TCP11L1: variants seen among roughly 807,000 people sequenced by gnomAD.
TCP11L1 encodes T-complex protein 11-like protein 1.
TCP11L1 carries 28 observed loss-of-function variants against 48.9 expected under a neutral mutation model. The observed-to-expected ratio is 0.57, with a 90% confidence interval of 0.42 to 0.78. TCP11L1 has a LOEUF of 0.78. Among genes scored for constraint, TCP11L1 ranks in the 30% least tolerant of loss-of-function variants. The probability of loss-of-function intolerance (pLI) is 0.00; values close to 1 mark genes in which losing one functional copy is unlikely to be tolerated. For synonymous variants in TCP11L1, 204 were observed against 231.9 expected, an observed-to-expected ratio of 0.88 and a Z score of 1.09; for missense variants, 505 against 613.4, an observed-to-expected ratio of 0.82 and a Z score of 1.87.
chr11:33,046,949 G>A (rs1054491128), intron 2 of TCP11L1, among the ~76,000 whole-genome samples: 2 of 137,694 alleles, frequency 1.5e-5, no homozygotes, highest in Admixed American at 7.1e-5. Flanking sequence ...TAGGCCAGGC[G>A]CATTGGCTCA....
Position 33,068,798 on chromosome 11 carries a change from C to T in TCP11L1, c.1266C>T (p.Thr422=), listed in dbSNP as rs756467493. ...GSSPFTTDKE[T]VLKGQIQAVA... ...CTCCCTTCACCACGGACAAGGAGAC[C>T]GTGCTCAAGGGCCAGATCCAGGCCG... The change falls in exon 9 of 10, where the codon ACC becomes ACT. Residue 422 remains threonine (T), a synonymous_variant. Coordinates refer to ENST00000334274, the MANE Select transcript of TCP11L1 (RefSeq NM_018393.4). 42 of 1,613,990 alleles carry T rather than the reference C, an allele frequency of 2.6e-5. No homozygotes were observed. The highest frequency in any genetic ancestry group is 4.0e-5 in the African/African-American group (3 of 74,900).
intron 3 of TCP11L1, among the ~76,000 whole-genome samples, chr11:33,056,233 C>T (rs1455591155): frequency 6.6e-6 from 1 of 152,174 alleles, no homozygotes; most frequent in Non-Finnish European, 1.5e-5. Context: ...CCTCAGCCTC[C>T]TAAGTAGCTG....
chr11:33,055,856 C>T (rs1367590573), intron 3 of TCP11L1, among the ~76,000 whole-genome samples: 4 of 152,268 alleles, frequency 2.6e-5, no homozygotes, highest in African/African-American at 9.6e-5. Flanking sequence ...GTCGCTCTGT[C>T]GCCCAAGCTG....
At chr11:33,044,905 A>T (rs889475803) in intron 2 of TCP11L1, among the ~76,000 whole-genome samples, 1 of 152,156 alleles carries the variant, frequency 6.6e-6, no homozygotes, top group Non-Finnish European at 1.5e-5. Flanking sequence ...TGTCTTTAAA[A>T]TGAGGAAAAT....
At chr11:33,062,452 G>A (rs1854495376) in intron 7 of TCP11L1, among the ~76,000 whole-genome samples, 2 of 152,258 alleles carry the variant, frequency 1.3e-5, no homozygotes, top group African/African-American at 4.8e-5. Flanking sequence ...AGCACATATA[G>A]CAGTAGTTTA....
intron 3 of TCP11L1, among the ~76,000 whole-genome samples, 199 bp from the exon 4 acceptor site, chr11:33,056,916 T>A (rs569852801): frequency 1.4e-3 from 219 of 152,350 alleles, no homozygotes; most frequent in African/African-American, 5.1e-3. Flanking sequence ...TTCTTTCCAA[T>A]GAGATGCTTA....
At chr11:33,042,066 C>G (rs7124894) in intron 1 of TCP11L1, among the ~76,000 whole-genome samples, 61,996 of 152,078 alleles carry the variant, frequency 0.41, 12,819 homozygotes, top group African/African-American at 0.46. Flanking sequence ...CAGAAACACC[C>G]TAGGAAAAGG....
At chr11:33,053,144 CTTTTTT>C (rs10715921) in intron 2 of TCP11L1, among the ~76,000 whole-genome samples, 2 of 116,214 alleles carry the variant, frequency 1.7e-5, no homozygotes, top group Middle Eastern at 4.2e-3. Context: ...CTATCAGAGA[CTTTTTT>C]TTTTTTTTTT....
chr11:33,071,007 GA>G (rs1158057888), intron 9 of TCP11L1, among the ~76,000 whole-genome samples: 5 of 136,442 alleles, frequency 3.7e-5, no homozygotes, highest in Non-Finnish European at 6.4e-5. Flanking sequence ...TCTCAAAAAA[GA>G]AAAAAAAAAG....
chr11:33,069,783 A>G (rs1176002729), intron 9 of TCP11L1, among the ~76,000 whole-genome samples: 1 of 151,992 alleles, frequency 6.6e-6, no homozygotes, highest in Non-Finnish European at 1.5e-5. Flanking sequence ...TTTTTTGTAT[A>G]TCTTCTAAAG....
intron 8 of TCP11L1, among the ~76,000 whole-genome samples, chr11:33,067,831 TGGGGGAC>T (rs1236043506): frequency 6.6e-6 from 1 of 152,148 alleles, no homozygotes; most frequent in Non-Finnish European, 1.5e-5. Context: ...TGGGAGAGCC[TGGGGGAC>T]CCAGGGTATC....
chr11:33,061,634 G>A lies in TCP11L1; in HGVS notation c.880G>A (p.Gly294Arg). ...AGTGGGGGGAATGGCTGCTGGCTCT[G>A]GGGACATGCCCAGGCTGAGCCCTGT... ...LPVGGMAAGSGDMPRLSPVAV... is the reference protein window; with the variant it reads ...LPVGGMAAGSRDMPRLSPVAV... The change falls in exon 7 of 10, where the codon GGG becomes AGG. Residue 294 changes from glycine (G) to arginine (R), a missense_variant. Coordinates refer to ENST00000334274, the MANE Select transcript of TCP11L1 (RefSeq NM_018393.4). 1 of 1,613,130 alleles carries A rather than the reference G, an allele frequency of 6.2e-7. No individual in the cohort carries two copies. The highest frequency in any genetic ancestry group is 8.5e-7 in the Non-Finnish European group (1 of 1,179,576).
intron 2 of TCP11L1, among the ~76,000 whole-genome samples, chr11:33,053,816 A>G (rs1220453309): frequency 1.3e-5 from 2 of 152,070 alleles, no homozygotes; most frequent in African/African-American, 4.8e-5. Flanking sequence ...ATGGTATTTT[A>G]ATTTTTTACA....
chr11:33,042,069 G>A (rs1334733777), intron 1 of TCP11L1, among the ~76,000 whole-genome samples: 1 of 152,206 alleles, frequency 6.6e-6, no homozygotes, highest in East Asian at 1.9e-4. Context: ...AAACACCCTA[G>A]GAAAAGGGAG....
At chr11:33,045,191 C>T (rs901100061) in intron 2 of TCP11L1, among the ~76,000 whole-genome samples, 2 of 151,276 alleles carry the variant, frequency 1.3e-5, no homozygotes, top group Non-Finnish European at 2.9e-5. Context: ...CCCATCTCTA[C>T]AAAAAATAAA....
chr11:33,043,617 G>T, intron 1 of TCP11L1, 133 bp from the exon 2 acceptor site: 1 of 627,200 alleles, frequency 1.6e-6, no homozygotes, highest in Non-Finnish European at 2.6e-6. Flanking sequence ...TAAGATCTTA[G>T]CAAGCTCATT....
At chr11:33,049,081 C>T (rs373405501) in intron 2 of TCP11L1, among the ~76,000 whole-genome samples, 4 of 152,102 alleles carry the variant, frequency 2.6e-5, no homozygotes, top group African/African-American at 9.7e-5. Context: ...GAAACCCTGT[C>T]TCTACTAAAA....
Position 33,055,995 on chromosome 11 carries a change from T to C in TCP11L1, c.297-1120T>C, listed in dbSNP as rs142639854. Among the ~76,000 whole-genome samples, 119 of 152,276 alleles carry C rather than the reference T, an allele frequency of 7.8e-4. 2 individuals are homozygous for C. The highest frequency in any genetic ancestry group is 2.8e-3 in the African/African-American group (115 of 41,548). On this transcript the variant is annotated intron_variant, in intron 3 of 9. Transcript: ENST00000334274. ...ACCATGCCCAGCTAATTTTTGTATT[T>C]GTAGTAGAGACAGGGTTTCACCTTG...
At chr11:33,058,900 T>C (rs1854392978) in intron 5 of TCP11L1, 59 bp from the exon 6 acceptor site, 3 of 1,587,178 alleles carry the variant, frequency 1.9e-6, no homozygotes, top group Admixed American at 3.5e-5. Context: ...TGGTCCTCTT[T>C]TCCTTTAATG....
Sources: gnomAD v4.1 joint callset for allele counts (sites outside exome capture counted in the v4.1 genomes callset) on GRCh38, gnomAD v4.1.1 for gene constraint, MANE v1.5 for transcripts, NCBI Gene and HGNC (gene_info 2026-07-23, HGNC 2026-07-21) for gene names.